The following MAST4 variants were observed in gnomAD, a reference collection of about 807,000 sequenced individuals.
MAST4 encodes microtubule associated serine/threonine kinase family member 4.
A neutral mutation model predicts 162.7 loss-of-function variants in MAST4; 89 were observed. The observed-to-expected ratio is 0.55, with a 90% CI of 0.46 to 0.65. The LOEUF (loss-of-function observed/expected upper bound fraction) is 0.65. Among genes scored for constraint, MAST4 ranks in the 30% least tolerant of loss-of-function variants. MAST4 has a pLI of 0.00. For synonymous variants in MAST4, 1,479 were observed against 1,361.1 expected, an observed-to-expected ratio of 1.09 and a Z score of -1.91; for missense variants, 3,153 against 3,374.0, an observed-to-expected ratio of 0.93 and a Z score of 1.62.
chr5:66,924,554 C>T (rs1764754529), intron 4 of MAST4, among the ~76,000 whole-genome samples: 2 of 152,028 alleles, frequency 1.3e-5, no homozygotes, highest in South Asian at 4.1e-4. Flanking sequence ...CCACCGCGTC[C>T]ACCACCGCGC....
chr5:66,857,160 C>T (rs762383513), intron 3 of MAST4, among the ~76,000 whole-genome samples: 34 of 152,158 alleles, frequency 2.2e-4, no homozygotes, highest in East Asian at 9.6e-4. Context: ...CTGTCATGTA[C>T]GTTTTGGAAC....
chr5:66,978,615 C>T (rs926571934), intron 4 of MAST4, among the ~76,000 whole-genome samples: 14 of 152,070 alleles, frequency 9.2e-5, no homozygotes, highest in East Asian at 3.8e-4. Context: ...AAGTTTGATT[C>T]GGGGCTAAGT....
At chr5:66,750,889 T>C (rs1753109076) in intron 1 of MAST4, among the ~76,000 whole-genome samples, 3 of 152,226 alleles carry the variant, frequency 2.0e-5, no homozygotes, top group African/African-American at 7.2e-5. Context: ...CAGACTTAAA[T>C]GTCTCTGTCT....
chr5:66,792,732 A>G (rs949093642), intron 3 of MAST4, among the ~76,000 whole-genome samples: 4 of 152,232 alleles, frequency 2.6e-5, no homozygotes, highest in Non-Finnish European at 5.9e-5. Context: ...CACTCAAAAA[A>G]TATGGTGACA....
chr5:67,010,142 A>G (rs1398650745), intron 4 of MAST4, among the ~76,000 whole-genome samples: 1 of 152,144 alleles, frequency 6.6e-6, no homozygotes, highest in Non-Finnish European at 1.5e-5. Context: ...ACCACGGGAT[A>G]TTTATTCCTT....
At chr5:66,820,506 G>A (rs1756941349) in intron 3 of MAST4, among the ~76,000 whole-genome samples, 1 of 152,142 alleles carries the variant, frequency 6.6e-6, no homozygotes, top group African/African-American at 2.4e-5. Flanking sequence ...CGTTAGCTGT[G>A]CATCATTTAG....
intron 3 of MAST4, among the ~76,000 whole-genome samples, chr5:66,897,088 T>C (rs1762728449): frequency 6.6e-6 from 1 of 152,206 alleles, no homozygotes. Context: ...AAATTTTTAA[T>C]CTTAAGAATT....
chr5:67,123,648 T>A, intron 14 of MAST4, among the ~76,000 whole-genome samples: 1 of 152,222 alleles, frequency 6.6e-6, no homozygotes, highest in East Asian at 1.9e-4. Context: ...TAATTGGAGT[T>A]GTAGAGGTCC....
In MAST4 at chr5:66,944,486, C is replaced by T. The variant is rs564520318; in HGVS notation, c.674+44504C>T. 2.0e-4 allele frequency among the ~76,000 whole-genome samples: 31 copies of T among 152,144 alleles called. 1 individual carries two copies. In the South Asian group the frequency reaches 6.4e-3, roughly 32 times the overall value. ...CTCTAGAACTTCTTTCTAAATAAGA[C>T]TTTCTTTGCAAGAGACAACATTTAT... On this transcript the variant is annotated intron_variant, in intron 4 of 28. Coordinates refer to ENST00000403625, the MANE Select transcript of MAST4 (RefSeq NM_001164664.2).
At chr5:66,766,685 G>T (rs772477745) in intron 2 of MAST4, among the ~76,000 whole-genome samples, 15 of 152,070 alleles carry the variant, frequency 9.9e-5, no homozygotes, top group Non-Finnish European at 1.8e-4. Flanking sequence ...TCAGATTAAA[G>T]ATAATTTATA....
At chr5:66,673,713 C>A (rs1007824566) in intron 1 of MAST4, among the ~76,000 whole-genome samples, 3 of 152,088 alleles carry the variant, frequency 2.0e-5, no homozygotes, top group African/African-American at 7.2e-5. Flanking sequence ...CCAGGCTGGT[C>A]TCAGACTCCT....
chr5:67,095,462 A>G lies in MAST4; in HGVS notation c.834-135A>G. ...TACTGTATAATGTTTGTTTACCCTG[A>G]CCCTTGCTGAACATTTCCACATCCT... On this transcript the variant is annotated intron_variant, in intron 6 of 28. Transcript: ENST00000403625. 6.8e-6 allele frequency: 4 copies of G among 584,610 alleles called. No homozygotes were observed. In the South Asian group the frequency reaches 9.4e-5, roughly 14 times the overall value. The allele number at this position is 584,610 out of a possible 1,614,324, so 36.2% of individuals were successfully genotyped here. A position where few individuals can be genotyped will look rare whatever the true frequency, so the allele number is the denominator to read the frequency against.
intron 1 of MAST4, among the ~76,000 whole-genome samples, chr5:66,743,733 G>C (rs1752596955): frequency 6.6e-6 from 1 of 152,226 alleles, no homozygotes; most frequent in South Asian, 2.1e-4. Flanking sequence ...ATAGAATTCA[G>C]GGGTAAGACG....
intron 3 of MAST4, among the ~76,000 whole-genome samples, chr5:66,854,150 C>T (rs982807964): frequency 5.3e-5 from 8 of 152,214 alleles, no homozygotes; most frequent in Admixed American, 2.0e-4. Flanking sequence ...CCACTGCCCC[C>T]GGCTGGTGTC....
At chr5:66,986,620 T>A (rs1645250) in intron 4 of MAST4, 7,844 of 178,912 alleles carry the variant, frequency 0.044, 257 homozygotes, top group African/African-American at 0.13. Context: ...ATATATATAT[T>A]TATTTATTTA....
At chr5:66,919,270 C>G (rs939106470) in intron 4 of MAST4, among the ~76,000 whole-genome samples, 2 of 151,704 alleles carry the variant, frequency 1.3e-5, no homozygotes, top group African/African-American at 4.8e-5. Flanking sequence ...TGCATTAAGA[C>G]CAAAAAAGGA....
chr5:66,782,375 A>G (rs1343843843), intron 2 of MAST4, among the ~76,000 whole-genome samples: 3 of 152,198 alleles, frequency 2.0e-5, no homozygotes, highest in Admixed American at 1.3e-4. Context: ...TCTAGATTCA[A>G]TAATGTATTT....
At chr5:67,008,230 G>T (rs1377230784) in intron 4 of MAST4, among the ~76,000 whole-genome samples, 1 of 152,174 alleles carries the variant, frequency 6.6e-6, no homozygotes, top group Non-Finnish European at 1.5e-5. Context: ...ACGAAAACTT[G>T]TTGCTTTAGA....
chr5:66,704,071 G>C lies in MAST4; in HGVS notation c.364-55638G>C, dbSNP rs145682044. On this transcript the variant is annotated intron_variant, in intron 1 of 28. Coordinates refer to ENST00000403625, the MANE Select transcript of MAST4 (RefSeq NM_001164664.2). Reference sequence around the variant, plus strand: ...TTAACATTATAATGTTCCTAGGTTAGTATGTTCCAGAGTTTTATGATTAAG... The same window carrying C: ...TTAACATTATAATGTTCCTAGGTTACTATGTTCCAGAGTTTTATGATTAAG... 8.5e-5 allele frequency among the ~76,000 whole-genome samples: 13 copies of C among 152,284 alleles called. No homozygotes were observed. In the East Asian group the frequency reaches 1.9e-3, roughly 23 times the overall value.
Sources: gnomAD v4.1 joint callset for allele counts (sites outside exome capture counted in the v4.1 genomes callset) on GRCh38, gnomAD v4.1.1 for gene constraint, MANE v1.5 for transcripts, NCBI Gene and HGNC (gene_info 2026-07-23, HGNC 2026-07-21) for gene names.